Variants in MYOCD observed in about 807,000 individuals in gnomAD.
MYOCD encodes the protein myocardin.
MYOCD carries 32 observed loss-of-function variants against 96.1 expected under a neutral mutation model. The ratio of observed to expected loss-of-function variants is 0.33; its 90% CI spans 0.25 to 0.45. The LOEUF (loss-of-function observed/expected upper bound fraction) is 0.45, where lower values mean the gene tolerates loss of function less well. Among genes scored for constraint, MYOCD ranks in the 20% least tolerant of loss-of-function variants. The pLI, the probability that MYOCD is intolerant of heterozygous loss-of-function variation, is 1.00. For synonymous variants in MYOCD, 469 were observed against 469.0 expected (o/e 1.00, Z 0.00); for missense variants, 1,133 against 1,200.6 (o/e 0.94, Z 0.83).
chr17:12,692,999 TCTTGA>T lies in MYOCD; in HGVS notation c.56-12128_56-12124del, dbSNP rs1332784498. ...TGTGCAGAGATAGTATAGCTCCCAT[TCTTGA>T]GTTGGAACCTAGTTCCAGCCCCGAG... On this transcript the variant is annotated intron_variant, in intron 1 of 13. Transcript: ENST00000425538. Among the ~76,000 whole-genome samples, 149 of 152,304 alleles carry T rather than the reference TCTTGA, an allele frequency of 9.8e-4. 1 individual carries two copies. Among genetic ancestry groups the T allele is most frequent in the African/African-American group, 3.4e-3 (141 of 41,580 alleles).
At chr17:12,686,582 A>G (rs960693348) in intron 1 of MYOCD, among the ~76,000 whole-genome samples, 1 of 152,240 alleles carries the variant, frequency 6.6e-6, no homozygotes, top group African/African-American at 2.4e-5. Flanking sequence ...GTTTCCATTT[A>G]GACACAGGGC....
chr17:12,681,723 G>A (rs942445483), intron 1 of MYOCD, among the ~76,000 whole-genome samples: 2 of 152,266 alleles, frequency 1.3e-5, no homozygotes, highest in Middle Eastern at 3.4e-3. Flanking sequence ...CTGCTTGAGT[G>A]CTCTCCTGTA....
intron 1 of MYOCD, among the ~76,000 whole-genome samples, chr17:12,668,852 T>G (rs1909517701): frequency 3.3e-5 from 5 of 152,176 alleles, no homozygotes; most frequent in Admixed American, 3.3e-4. Context: ...TAGAAGGCTC[T>G]TACAAAACAT....
Position 12,669,779 on chromosome 17 carries a change from C to T in MYOCD, c.55+3536C>T, listed in dbSNP as rs185290544. Among the ~76,000 whole-genome samples the T allele has an allele frequency of 5.1e-3, 776 of 152,144 alleles. 3 individuals are homozygous for T. The highest frequency in any genetic ancestry group is 0.018 in the African/African-American group (728 of 41,522). On this transcript the variant is annotated intron_variant, in intron 1 of 13. Coordinates refer to ENST00000425538, the MANE Select transcript of MYOCD (RefSeq NM_001146312.3). Reference sequence around the variant, plus strand: ...GACTACAGGTGCCCGCTACCACGCCCGGCTAATTTTTTGTATTTTTAGTAG... The same window carrying T: ...GACTACAGGTGCCCGCTACCACGCCTGGCTAATTTTTTGTATTTTTAGTAG...
At chr17:12,683,182 T>G (rs1479354921) in intron 1 of MYOCD, among the ~76,000 whole-genome samples, 1 of 152,206 alleles carries the variant, frequency 6.6e-6, no homozygotes, top group East Asian at 1.9e-4. Context: ...TTGAATTTTC[T>G]CTTCCAGTCC....
At chr17:12,672,651 A>AG (rs1909774576) in intron 1 of MYOCD, among the ~76,000 whole-genome samples, 1 of 152,218 alleles carries the variant, frequency 6.6e-6, no homozygotes, top group Admixed American at 6.5e-5. Flanking sequence ...TGGTGAGGGA[A>AG]GATAAGTTCT....
chr17:12,756,319 C>T, intron 10 of MYOCD, 95 bp from the exon 11 acceptor site: 2 of 1,390,058 alleles, frequency 1.4e-6, no homozygotes, highest in Non-Finnish European at 2.0e-6. Flanking sequence ...AAAAATGACA[C>T]CAGGGGACAC....
chr17:12,715,310 C>T (rs77531377), intron 2 of MYOCD, among the ~76,000 whole-genome samples: 1 of 151,712 alleles, frequency 6.6e-6, no homozygotes, highest in African/African-American at 2.4e-5. Context: ...TGCTACTCCC[C>T]GTTTGAGGCT....
intron 5 of MYOCD, among the ~76,000 whole-genome samples, chr17:12,728,101 T>A (rs1312597359): frequency 6.6e-6 from 1 of 152,180 alleles, no homozygotes; most frequent in African/African-American, 2.4e-5. Context: ...TTGTGTTACA[T>A]GAAAGCGATG....
In MYOCD at chr17:12,766,202, G is replaced by A. The variant is rs1407531191; in HGVS notation, c.*2558G>A. Reference sequence around the variant, plus strand: ...CCTTTGGAAAACAAACTCACACAGTGCCCCTACTCTGAGACCTGGGACTGA... The same window carrying A: ...CCTTTGGAAAACAAACTCACACAGTACCCCTACTCTGAGACCTGGGACTGA... On this transcript the variant is annotated 3_prime_UTR_variant, in exon 14 of 14. Transcript: ENST00000425538. The A allele has an allele frequency of 6.6e-6, 1 of 152,124 alleles. No individual in the cohort carries two copies. The allele number at this position is 152,124 out of a possible 1,614,324, so 9.4% of individuals were successfully genotyped here.
chr17:12,755,377 G>C (rs965131650), intron 10 of MYOCD, among the ~76,000 whole-genome samples: 1 of 152,118 alleles, frequency 6.6e-6, no homozygotes, highest in Non-Finnish European at 1.5e-5. Context: ...TTGGGAGGCC[G>C]AGGTGGGCGG....
intron 2 of MYOCD, among the ~76,000 whole-genome samples, chr17:12,709,339 A>G (rs2031407266): frequency 6.6e-6 from 1 of 152,212 alleles, no homozygotes; most frequent in African/African-American, 2.4e-5. Context: ...TCTCTTAAAC[A>G]TTCACTTTGT....
At chr17:12,731,108 G>A (rs982059711) in intron 5 of MYOCD, among the ~76,000 whole-genome samples, 21 of 152,164 alleles carry the variant, frequency 1.4e-4, no homozygotes, top group Non-Finnish European at 1.9e-4. Flanking sequence ...CAGCCCCGAC[G>A]CGTCTGCAGG....
chr17:12,758,880 C>A (rs947296422), intron 12 of MYOCD, among the ~76,000 whole-genome samples: 4 of 152,066 alleles, frequency 2.6e-5, no homozygotes, highest in African/African-American at 7.2e-5. Flanking sequence ...GAGACCCCAT[C>A]TCTACTAAAA....
chr17:12,674,653 A>C (rs58821442), intron 1 of MYOCD, among the ~76,000 whole-genome samples: 2,323 of 152,306 alleles, frequency 0.015, 70 homozygotes, highest in African/African-American at 0.052. Context: ...ATATACACTT[A>C]TGTATATACG....
intron 1 of MYOCD, among the ~76,000 whole-genome samples, chr17:12,702,059 G>C (rs1036795543): frequency 7.9e-5 from 12 of 152,012 alleles, no homozygotes; most frequent in African/African-American, 2.7e-4. Context: ...ATTATATCAA[G>C]ATGTTTGATA....
intron 5 of MYOCD, among the ~76,000 whole-genome samples, chr17:12,730,406 T>C (rs117340919): frequency 0.061 from 9,010 of 146,622 alleles, 520 homozygotes; most frequent in African/African-American, 0.14. Flanking sequence ...CAAGATCGCG[T>C]CACTGCACTC....
chr17:12,760,660 G>A lies in MYOCD; in HGVS notation c.2342G>A (p.Arg781Gln), dbSNP rs753297107. The change falls in exon 13 of 14, where the codon CGG becomes CAG. Residue 781 changes from arginine (R) to glutamine (Q), a missense_variant. Transcript: ENST00000425538. Reference sequence around the variant, plus strand: ...GTTAATTTGTAATAGCAAATGACCCGGAGTCAGCAGATGGATGAACTCCTG... The same window carrying A: ...GTTAATTTGTAATAGCAAATGACCCAGAGTCAGCAGATGGATGAACTCCTG... ...YEDAVKQQMT[R>Q]SQQMDELLDV... 7.4e-6 allele frequency: 12 copies of A among 1,613,762 alleles called. No homozygotes were observed. Among genetic ancestry groups the A allele is most frequent in the South Asian group, 4.4e-5 (4 of 91,032 alleles).
At chr17:12,714,323 G>GCACACACACACACACACACACACACACA (rs4054959) in intron 2 of MYOCD, among the ~76,000 whole-genome samples, 60 of 136,138 alleles carry the variant, frequency 4.4e-4, no homozygotes, top group Non-Finnish European at 7.3e-4. Flanking sequence ...TGAGGCACGT[G>GCACACACACACACACACACACACACACA]CACACACACA....
Sources: allele counts gnomAD v4.1 joint callset (sites outside exome capture counted in the v4.1 genomes callset), GRCh38; gene constraint gnomAD v4.1.1; transcripts MANE v1.5; gene names NCBI Gene and HGNC (gene_info 2026-07-23, HGNC 2026-07-21).